The following GNB4 variants were observed in gnomAD, a reference collection of about 807,000 sequenced individuals.
GNB4 encodes the protein G protein subunit beta 4, also known as guanine nucleotide-binding protein subunit beta-4.
GNB4 carries 28 observed loss-of-function variants against 45.2 expected under a neutral mutation model. The observed-to-expected ratio is 0.62, with a 90% CI of 0.46 to 0.85. The LOEUF is 0.85. Ranked by LOEUF, GNB4 falls within the 40% of genes least tolerant of loss-of-function variation. The pLI is 0.00. For missense variants in GNB4, 321 were observed against 425.4 expected (o/e 0.75, Z 2.16); for synonymous variants, 132 against 143.7 (o/e 0.92, Z 0.58).
intron 1 of GNB4, among the ~76,000 whole-genome samples, chr3:179,434,954 T>C (rs1251056265): frequency 6.6e-6 from 1 of 151,868 alleles, no homozygotes; most frequent in Non-Finnish European, 1.5e-5. Context: ...AACACAAATA[T>C]ATAAAAGTGA....
Position 179,397,592 on chromosome 3 carries a change from C to T in GNB4, c.*3621G>A, listed in dbSNP as rs10937003. The T allele has an allele frequency of 0.19, 29,599 of 152,526 alleles. 3,258 individuals carry two copies. Among genetic ancestry groups the T allele is most frequent in the East Asian group, 0.36 (1,849 of 5,168 alleles). The allele number at this position is 152,526 out of a possible 1,614,324, so 9.4% of individuals were successfully genotyped here. A position where few individuals can be genotyped will look rare whatever the true frequency, so the allele number is the denominator to read the frequency against. Reference sequence around the variant, plus strand: ...AAGCCCAAATCTTTGCCTCTGAAGACGGAATTCAATGTGGTGTGTGTAATC... The same window carrying T: ...AAGCCCAAATCTTTGCCTCTGAAGATGGAATTCAATGTGGTGTGTGTAATC... On this transcript the variant is annotated 3_prime_UTR_variant, in exon 10 of 10. Coordinates refer to ENST00000232564, the MANE Select transcript of GNB4 (RefSeq NM_021629.4).
chr3:179,468,035 A>AAAAAAAAAAAAAATATATATATAT, the GNB4 span, among the ~76,000 whole-genome samples: 10 of 89,850 alleles, frequency 1.1e-4, no homozygotes, highest in African/African-American at 2.0e-4. Flanking sequence ...TGTTGATAAA[A>AAAAAAAAAAAAAATATATATATAT]ATATATATAT....
the GNB4 span, among the ~76,000 whole-genome samples, chr3:179,520,143 A>G: frequency 0.43 from 47,847 of 110,308 alleles, 9,258 homozygotes; most frequent in East Asian, 0.73. Context: ...TGCACCCTTC[A>G]TCCCAGCCTC....
chr3:179,430,336 C>G (rs7611533), intron 1 of GNB4, among the ~76,000 whole-genome samples: 4 of 151,984 alleles, frequency 2.6e-5, no homozygotes, highest in South Asian at 2.1e-4. Flanking sequence ...CGATCCCCCC[C>G]ACCTGAGCTT....
chr3:179,521,741 G>T, the GNB4 span, among the ~76,000 whole-genome samples: 1 of 152,164 alleles, frequency 6.6e-6, no homozygotes, highest in Non-Finnish European at 1.5e-5. Context: ...CTAATTGGAT[G>T]CCCTGAGTCC....
the GNB4 span, among the ~76,000 whole-genome samples, chr3:179,470,557 AT>A: frequency 6.6e-6 from 1 of 150,518 alleles, no homozygotes; most frequent in African/African-American, 2.4e-5. Flanking sequence ...TATATATATA[AT>A]TTTTTTAATG....
chr3:179,517,190 G>C, the GNB4 span, among the ~76,000 whole-genome samples: 3 of 152,092 alleles, frequency 2.0e-5, no homozygotes, highest in Non-Finnish European at 2.9e-5. Context: ...AAAATGGCCT[G>C]TTCCTGCCTT....
chr3:179,451,176 C>G (rs923596197), intron 1 of GNB4, 170 bp downstream of exon 1: 2 of 151,830 alleles, frequency 1.3e-5, no homozygotes, highest in Non-Finnish European at 2.9e-5. Context: ...CTCCTCGTCC[C>G]TCCCGGGCAG....
the GNB4 span, among the ~76,000 whole-genome samples, chr3:179,513,632 CTTT>C: frequency 1.3e-5 from 2 of 152,154 alleles, no homozygotes; most frequent in East Asian, 3.9e-4. Flanking sequence ...CAAAGCCCTC[CTTT>C]TTTATTTTCT....
the GNB4 span, among the ~76,000 whole-genome samples, chr3:179,522,394 G>C: frequency 1.3e-5 from 2 of 152,102 alleles, no homozygotes; most frequent in East Asian, 3.9e-4. Context: ...TTCTCTTTTA[G>C]GACTCAGCCC....
At chr3:179,489,443 C>G in the GNB4 span, among the ~76,000 whole-genome samples, 1 of 151,928 alleles carries the variant, frequency 6.6e-6, no homozygotes, top group Admixed American at 6.6e-5. Context: ...TCAAGACCAG[C>G]CTGGGCAACA....
the GNB4 span, among the ~76,000 whole-genome samples, chr3:179,503,561 T>C: frequency 6.6e-6 from 1 of 152,260 alleles, no homozygotes; most frequent in Non-Finnish European, 1.5e-5. Context: ...GCCTCTGTCA[T>C]ACTGAGATGT....
chr3:179,485,884 G>T, the GNB4 span, among the ~76,000 whole-genome samples: 1 of 152,034 alleles, frequency 6.6e-6, no homozygotes, highest in African/African-American at 2.4e-5. Context: ...AGGTTGCAGT[G>T]AGCCAAGAAT....
intron 8 of GNB4, among the ~76,000 whole-genome samples, chr3:179,411,212 A>G (rs984034132): frequency 6.6e-6 from 1 of 152,172 alleles, no homozygotes; most frequent in African/African-American, 2.4e-5. Context: ...CTCAGTGAAT[A>G]TATGGGGCTC....
In GNB4 at chr3:179,448,313, C is replaced by G. The variant is rs76371960; in HGVS notation, c.-43+3033G>C. Among the ~76,000 whole-genome samples the G allele has an allele frequency of 2.9e-3, 438 of 152,288 alleles. 1 individual carries two copies. Among genetic ancestry groups the G allele is most frequent in the African/African-American group, 0.01 (420 of 41,550 alleles). Reference sequence around the variant, plus strand: ...CTTCCACGTTGGAAACCCTAGTTCCCAAAATATCAATGAATTTACTCATTT... The same window carrying G: ...CTTCCACGTTGGAAACCCTAGTTCCGAAAATATCAATGAATTTACTCATTT... On this transcript the variant is annotated intron_variant, in intron 1 of 9. Transcript: ENST00000232564.
chr3:179,417,813 A>G (rs545507710), intron 4 of GNB4, among the ~76,000 whole-genome samples: 1 of 152,352 alleles, frequency 6.6e-6, no homozygotes, highest in East Asian at 1.9e-4. Flanking sequence ...CCCTAGAGGT[A>G]AATAACATTA....
chr3:179,414,902 T>TC lies in GNB4; in HGVS notation c.412dup (p.Glu138GlyfsTer17). On this transcript the variant is annotated frameshift_variant, in exon 6 of 10. Transcript: ENST00000232564. LOFTEE classifies it high-confidence loss of function. ...AAGCTCACCTGTGTGACCTGGCAAC[T>TC]CTCGGCTTACTCTCACATTTCCCTC... 1 of 1,590,240 alleles carries TC rather than the reference T, an allele frequency of 6.3e-7. No homozygotes were observed. The highest frequency in any genetic ancestry group is 8.6e-7 in the Non-Finnish European group (1 of 1,163,030).
the GNB4 span, among the ~76,000 whole-genome samples, chr3:179,527,546 A>G: frequency 2.0e-5 from 3 of 152,148 alleles, no homozygotes; most frequent in East Asian, 5.8e-4. Context: ...CAATGAGAAA[A>G]CTCTCTGTTT....
chr3:179,411,091 T>G (rs1714637758), intron 8 of GNB4, among the ~76,000 whole-genome samples: 1 of 152,172 alleles, frequency 6.6e-6, no homozygotes, highest in Non-Finnish European at 1.5e-5. Flanking sequence ...AATCTGGCAC[T>G]GAGTTAATGA....
Sources: gnomAD v4.1 joint callset for allele counts (sites outside exome capture counted in the v4.1 genomes callset) on GRCh38, gnomAD v4.1.1 for gene constraint, MANE v1.5 for transcripts, NCBI Gene and HGNC (gene_info 2026-07-23, HGNC 2026-07-21) for gene names.